STXBP6: variants seen among roughly 807,000 people sequenced by gnomAD.
The protein encoded by STXBP6 is syntaxin-binding protein 6.
Under a neutral mutation model 26.9 loss-of-function variants are expected in STXBP6, and 21 were observed. The ratio of observed to expected loss-of-function variants is 0.78; its 90% CI spans 0.55 to 1.12. The LOEUF is 1.12. Among genes scored for constraint, STXBP6 ranks in the 50% most tolerant of loss-of-function variants. STXBP6 has a pLI of 0.00. For missense variants in STXBP6, 232 were observed against 257.9 expected, an observed-to-expected ratio of 0.90 and a Z score of 0.69; for synonymous variants, 97 against 92.6, an observed-to-expected ratio of 1.05 and a Z score of -0.27.
chr14:24,929,052 T>G (rs1418809963), intron 2 of STXBP6, among the ~76,000 whole-genome samples: 3 of 151,886 alleles, frequency 2.0e-5, no homozygotes, highest in Non-Finnish European at 2.9e-5. Flanking sequence ...ACCTTTCAGG[T>G]TTTCAAGCCT....
chr14:24,993,395 T>C (rs2074522869), intron 1 of STXBP6, among the ~76,000 whole-genome samples: 1 of 152,164 alleles, frequency 6.6e-6, no homozygotes, highest in African/African-American at 2.4e-5. Context: ...ACCAATTCTG[T>C]TCAACTCTAC....
chr14:24,925,272 C>A (rs565611793), intron 2 of STXBP6, among the ~76,000 whole-genome samples: 18 of 152,316 alleles, frequency 1.2e-4, no homozygotes, highest in African/African-American at 3.8e-4. Flanking sequence ...CATAGATGAA[C>A]AAAGCCCTCG....
rs147104451 is a variant in STXBP6, at chr14:25,033,083, T to C, written c.-33+16795A>G. 6.0e-3 allele frequency among the ~76,000 whole-genome samples: 909 copies of C among 152,254 alleles called. 9 individuals carry two copies. The highest frequency in any genetic ancestry group is 0.02 in the African/African-American group (850 of 41,542). On this transcript the variant is annotated intron_variant, in intron 1 of 5. Transcript: ENST00000323944. Reference sequence around the variant, plus strand: ...GTACATGAGTGGCTATTATAAGTAATACTGTGAGGATTCAAACTTCAATTG... The same window carrying C: ...GTACATGAGTGGCTATTATAAGTAACACTGTGAGGATTCAAACTTCAATTG...
chr14:24,815,912 C>G (rs2067961973), intron 5 of STXBP6: 1 of 152,190 alleles, frequency 6.6e-6, no homozygotes, highest in African/African-American at 2.4e-5. Context: ...GGGAGTCAGT[C>G]TAGGAAGGCA....
At chr14:24,891,927 T>C (rs1206001433) in intron 2 of STXBP6, among the ~76,000 whole-genome samples, 1 of 152,222 alleles carries the variant, frequency 6.6e-6, no homozygotes, top group Non-Finnish European at 1.5e-5. Context: ...TTAACCCCCA[T>C]TAATCTTTCA....
At chr14:24,997,653 C>G (rs997086100) in intron 1 of STXBP6, among the ~76,000 whole-genome samples, 1 of 152,150 alleles carries the variant, frequency 6.6e-6, no homozygotes, top group Admixed American at 6.5e-5. Context: ...ATTTATAATT[C>G]TTTTGGTTAT....
intron 5 of STXBP6, among the ~76,000 whole-genome samples, chr14:24,818,549 C>T (rs854397): frequency 0.25 from 37,944 of 152,054 alleles, 5,427 homozygotes; most frequent in Non-Finnish European, 0.33. Flanking sequence ...CCCCGAGGTG[C>T]GTAGTTCCCT....
At chr14:24,818,928 T>C (rs1392567952) in intron 5 of STXBP6, 109 bp downstream of exon 5, 1 of 1,395,966 alleles carries the variant, frequency 7.2e-7, no homozygotes, top group Admixed American at 2.4e-5. Context: ...AAAGGGGAAA[T>C]AGCTTAATTT....
intron 4 of STXBP6, among the ~76,000 whole-genome samples, chr14:24,828,965 G>A (rs565602429): frequency 8.5e-5 from 13 of 152,242 alleles, no homozygotes; most frequent in South Asian, 6.2e-4. Flanking sequence ...AGGCTTAAAC[G>A]GTGCTACTGA....
intron 4 of STXBP6, among the ~76,000 whole-genome samples, chr14:24,823,071 A>C (rs1179461167): frequency 1.3e-5 from 2 of 152,204 alleles, no homozygotes; most frequent in Non-Finnish European, 2.9e-5. Context: ...CAACCATGGT[A>C]AATAAAGTCA....
chr14:24,830,209 C>G (rs1299678043), intron 4 of STXBP6, among the ~76,000 whole-genome samples: 1 of 151,900 alleles, frequency 6.6e-6, no homozygotes, highest in Non-Finnish European at 1.5e-5. Context: ...AATGAGAGAT[C>G]TTAAGTGCAA....
In STXBP6 at chr14:25,049,004, A is replaced by G. The variant is rs2075765803; in HGVS notation, c.-33+874T>C. On this transcript the variant is annotated intron_variant, in intron 1 of 5. Coordinates refer to ENST00000323944, the MANE Select transcript of STXBP6 (RefSeq NM_001394410.1). The surrounding 1 kb of genome is among the most constrained non-coding windows in gnomAD (Gnocchi z 5.6). The stretch of plus-strand genomic sequence containing the variant: ...CCAGTCCCTAGGGAAGCGTAATAGG[A>G]AGGGGAGAAGGTTCGTTATGAAATC... 4.0e-6 allele frequency: 1 copy of G among 248,428 alleles called. No homozygotes were observed. Among genetic ancestry groups the G allele is most frequent in the East Asian group, 1.8e-4 (1 of 5,526 alleles). The allele number at this position is 248,428 out of a possible 1,614,324, so 15.4% of individuals were successfully genotyped here.
intron 1 of STXBP6, among the ~76,000 whole-genome samples, chr14:25,011,064 G>A (rs539938312): frequency 1.8e-4 from 28 of 152,288 alleles, no homozygotes; most frequent in African/African-American, 5.8e-4. Flanking sequence ...CAGATTTAAT[G>A]TTGAGAAAAA....
At chr14:25,043,905 G>A (rs748978469) in intron 1 of STXBP6, among the ~76,000 whole-genome samples, 5 of 152,084 alleles carry the variant, frequency 3.3e-5, no homozygotes, top group South Asian at 2.1e-4. Context: ...CTGGCCAGGC[G>A]CAGTGGCTCA....
At chr14:24,912,022 C>A (rs545244067) in intron 2 of STXBP6, among the ~76,000 whole-genome samples, 17 of 152,192 alleles carry the variant, frequency 1.1e-4, no homozygotes, top group African/African-American at 4.1e-4. Flanking sequence ...TTAAATATTA[C>A]CACTGTATTC....
intron 1 of STXBP6, among the ~76,000 whole-genome samples, chr14:24,992,151 G>A (rs1037113244): frequency 3.9e-5 from 6 of 152,158 alleles, no homozygotes; most frequent in African/African-American, 1.4e-4. Context: ...TCCATATTAT[G>A]GAGCTGAAAA....
At chr14:24,842,791 A>T (rs187609836) in intron 4 of STXBP6, among the ~76,000 whole-genome samples, 1 of 152,316 alleles carries the variant, frequency 6.6e-6, no homozygotes, top group South Asian at 2.1e-4. Flanking sequence ...TTAACAGGAA[A>T]AAAAAGGGTT....
At chr14:24,929,607 A>T (rs900785019) in intron 2 of STXBP6, among the ~76,000 whole-genome samples, 36 of 152,246 alleles carry the variant, frequency 2.4e-4, no homozygotes, top group African/African-American at 8.4e-4. Flanking sequence ...TCCTATTTAG[A>T]CTTCCAGCAC....
intron 5 of STXBP6, 22 bp downstream of exon 5, chr14:24,819,015 G>A (rs2068062058): frequency 6.4e-7 from 1 of 1,553,422 alleles, no homozygotes; most frequent in Admixed American, 1.9e-5. Flanking sequence ...GAGCTGAGAA[G>A]CCTGCTCCTC....
Sources: gnomAD v4.1 joint callset for allele counts (sites outside exome capture counted in the v4.1 genomes callset) on GRCh38, gnomAD v4.1.1 for gene constraint, Gnocchi (gnomAD v3.1) non-coding constraint, MANE v1.5 for transcripts, NCBI Gene and HGNC (gene_info 2026-07-23, HGNC 2026-07-21) for gene names.